Variants in BRSK1 observed in about 807,000 individuals in gnomAD.
BRSK1 encodes the protein BR serine/threonine kinase 1, also known as serine/threonine-protein kinase BRSK1.
BRSK1 carries 17 observed loss-of-function variants against 86.2 expected under a neutral mutation model. That is an observed-to-expected ratio of 0.20 (90% CI 0.14 to 0.30). BRSK1 has a LOEUF of 0.30. Among genes scored for constraint, BRSK1 ranks in the 10% least tolerant of loss-of-function variants. The pLI is 1.00. For missense variants in BRSK1, 719 were observed against 1,071.9 expected (o/e 0.67, Z 4.60); for synonymous variants, 464 against 440.1 (o/e 1.05, Z -0.68).
intron 7 of BRSK1, among the ~76,000 whole-genome samples, chr19:55,297,597 C>T (rs913555237): frequency 1.3e-5 from 2 of 152,148 alleles, no homozygotes; most frequent in African/African-American, 4.8e-5. Flanking sequence ...GGGAGAGCAG[C>T]CGAGGTGCTC....
intron 4 of BRSK1, among the ~76,000 whole-genome samples, chr19:55,293,719 A>G (rs1456219001): frequency 2.0e-5 from 3 of 151,628 alleles, no homozygotes; most frequent in African/African-American, 7.3e-5. Context: ...CTGAGGCAGG[A>G]GAATCACTTG....
At position 55,303,280 on chromosome 19, in the gene BRSK1, C is replaced by G; in HGVS notation, c.1029-31C>G. 1.3e-6 allele frequency: 2 copies of G among 1,567,264 alleles called. No homozygotes were observed. The highest frequency in any genetic ancestry group is 1.8e-6 in the Non-Finnish European group (2 of 1,137,888). ...ATGTTGGACCTCAGCCCTCTGCTAC[C>G]TCTTTCCACCTTTCCCACCCCCTGC... On this transcript the variant is annotated intron_variant, in intron 10 of 18. Transcript: ENST00000309383. The surrounding 1 kb of genome is among the most constrained non-coding windows in gnomAD (Gnocchi z 5.1).
chr19:55,312,023 C>T lies in BRSK1; in HGVS notation c.2292C>T (p.Pro764=). ...GCAGCTCTCCCCGCCGAGGCCCCCC[C>T]AAGGACAAGAAGCTCCTGGCCACCA... ...ELSSSPRRGP[P]KDKKLLATNG... is the part of the protein sequence containing the mutation. Residue 764 remains proline, a synonymous_variant, in exon 19 of 19, where the codon CCC becomes CCT. Coordinates refer to ENST00000309383, the MANE Select transcript of BRSK1 (RefSeq NM_032430.2). The T allele has an allele frequency of 6.6e-7, 1 of 1,509,498 alleles. No homozygotes were observed. The highest frequency in any genetic ancestry group is 1.3e-5 in the South Asian group (1 of 78,794). The allele number at this position is 1,509,498 out of a possible 1,614,324, so 93.5% of individuals were successfully genotyped here.
At chr19:55,286,276 G>A (rs1034283880) in intron 1 of BRSK1, among the ~76,000 whole-genome samples, 1 of 151,668 alleles carries the variant, frequency 6.6e-6, no homozygotes, top group Non-Finnish European at 1.5e-5. Context: ...GGGTCTGGAC[G>A]CCTGGGCCTG....
rs1213952291 is a variant in BRSK1 at position 55,284,422 on chromosome 19, C to T, written c.-21C>T. The T allele has an allele frequency of 1.7e-6, 2 of 1,184,588 alleles. No homozygotes were observed. Among genetic ancestry groups the T allele is most frequent in the Non-Finnish European group, 2.2e-6 (2 of 930,040 alleles). The allele number at this position is 1,184,588 out of a possible 1,614,324, so 73.4% of individuals were successfully genotyped here. A position where few individuals can be genotyped will look rare whatever the true frequency, so the allele number is the denominator to read the frequency against. On this transcript the variant is annotated 5_prime_UTR_variant, in exon 1 of 19. Coordinates refer to ENST00000309383, the MANE Select transcript of BRSK1 (RefSeq NM_032430.2). ...CAGGGGGGGCGGCCGGGGGACCGGT[C>T]GGGCCGGGACCAAGGGCACCATGTC...
Position 55,294,538 on chromosome 19 carries a change from G to C in BRSK1, c.678+141G>C. 1 of 1,112,454 alleles carries C rather than the reference G, an allele frequency of 9.0e-7. No homozygotes were observed. The highest frequency in any genetic ancestry group is 1.6e-5 in the South Asian group (1 of 63,940). 68.9% of individuals were successfully genotyped at this position (1,112,454 alleles called of 1,614,324 possible). ...TTATTTTGAGACAGAGTCTTGCCCCGTCGCCTAGGCTGGAGTGCAGTGGTG... is the reference window on the plus strand; with the variant it reads ...TTATTTTGAGACAGAGTCTTGCCCCCTCGCCTAGGCTGGAGTGCAGTGGTG... On this transcript the variant is annotated intron_variant, in intron 7 of 18. Transcript: ENST00000309383. The surrounding 1 kb of genome is among the most constrained non-coding windows in gnomAD (Gnocchi z 4.9).
rs914411978 is a variant in BRSK1 at position 55,299,537 on chromosome 19, C to T, written c.679-1975C>T. Among the ~76,000 whole-genome samples the T allele has an allele frequency of 2.0e-5, 3 of 152,044 alleles. No individual in the cohort carries two copies. The South Asian group carries it at 6.2e-4, about 32-fold the overall frequency. ...AGTAGCTGGGATTACAGGCGCCCGCCACTTTGCCCGGCTAAATTTTGTATT... is the reference window on the plus strand; with the variant it reads ...AGTAGCTGGGATTACAGGCGCCCGCTACTTTGCCCGGCTAAATTTTGTATT... On this transcript the variant is annotated intron_variant, in intron 7 of 18. Coordinates refer to ENST00000309383, the MANE Select transcript of BRSK1 (RefSeq NM_032430.2).
Position 55,304,433 on chromosome 19 carries a change from G to T in BRSK1, c.1348-118G>T. ...TGGGGCCTGGGAAGGAGGATACTTG[G>T]ACTACAAGTTGCAGCATGCACCGGG... On this transcript the variant is annotated intron_variant, in intron 13 of 18. Transcript: ENST00000309383. This position sits in a 1 kb window ranked among gnomAD's most constrained non-coding sequence, Gnocchi z 5.2. The T allele has an allele frequency of 1.6e-6, 2 of 1,226,796 alleles. No homozygotes were observed. The highest frequency in any genetic ancestry group is 1.1e-6 in the Non-Finnish European group (1 of 908,082). The allele number at this position is 1,226,796 out of a possible 1,614,324, so 76.0% of individuals were successfully genotyped here. A position where few individuals can be genotyped will look rare whatever the true frequency, so the allele number is the denominator to read the frequency against.
intron 7 of BRSK1, among the ~76,000 whole-genome samples, 175 bp from the exon 8 acceptor site, chr19:55,301,337 C>T (rs1467577604): frequency 6.6e-6 from 1 of 152,218 alleles, no homozygotes; most frequent in African/African-American, 2.4e-5. Context: ...CAAGCTGCTC[C>T]TTGCCAAGTG....
intron 7 of BRSK1, 121 bp from the exon 8 acceptor site, chr19:55,301,391 G>T: frequency 7.9e-7 from 1 of 1,273,418 alleles, no homozygotes; most frequent in Non-Finnish European, 1.1e-6. Flanking sequence ...GCAAATTGCT[G>T]AGCCTCTCTG....
chr19:55,305,378 C>G lies in BRSK1; in HGVS notation c.1766+9C>G, dbSNP rs772366299. On this transcript the variant is annotated intron_variant, in intron 15 of 18. Transcript: ENST00000309383. ...CCAGAGTCCTCCCCGGAGTGAGTCTCACAGGGAAGGAAAGAGTGGGGATGC... is the reference window on the plus strand; with the variant it reads ...CCAGAGTCCTCCCCGGAGTGAGTCTGACAGGGAAGGAAAGAGTGGGGATGC... 1.2e-6 allele frequency: 2 copies of G among 1,614,082 alleles called. No homozygotes were observed. Among genetic ancestry groups the G allele is most frequent in the African/African-American group, 2.7e-5 (2 of 74,932 alleles).
chr19:55,307,790 T>A (rs1311093443), intron 17 of BRSK1, among the ~76,000 whole-genome samples: 47 of 88,468 alleles, frequency 5.3e-4, no homozygotes, highest in African/African-American at 2.8e-3. Context: ...ACACACACAA[T>A]TTAAAAAAAA....
intron 4 of BRSK1, 94 bp from the exon 5 acceptor site, chr19:55,293,923 A>T (rs2088446152): frequency 9.3e-7 from 1 of 1,075,740 alleles, no homozygotes; most frequent in Admixed American, 2.6e-5. Flanking sequence ...AAATCCAAAA[A>T]GTATGCAGAA....
At position 55,287,585 on chromosome 19, in the gene BRSK1, A is replaced by G. The variant is rs552832176; in HGVS notation, c.317+286A>G. 7.2e-5 allele frequency among the ~76,000 whole-genome samples: 11 copies of G among 152,360 alleles called. No homozygotes were observed. The South Asian group carries it at 1.9e-3, about 26-fold the overall frequency. On this transcript the variant is annotated intron_variant, in intron 3 of 18. Transcript: ENST00000309383. The surrounding 1 kb of genome is among the most constrained non-coding windows in gnomAD (Gnocchi z 5.3). ...GGCACTGCATGGAATGCGCTCTGCT[A>G]GACAAGCAGGGTGCCCTCGACCAGA...
chr19:55,305,296 A>C (rs1381096127), intron 14 of BRSK1, 25 bp from the exon 15 acceptor site: 1 of 1,613,548 alleles, frequency 6.2e-7, no homozygotes, highest in African/African-American at 1.3e-5. Context: ...GGTGTTGACC[A>C]CGTTCTCTGC....
chr19:55,289,389 T>C lies in BRSK1; in HGVS notation c.318-91T>C, dbSNP rs1368404638. On this transcript the variant is annotated intron_variant, in intron 3 of 18. Coordinates refer to ENST00000309383, the MANE Select transcript of BRSK1 (RefSeq NM_032430.2). ...CCAAGGATCATGGGAATTGGAGTTC[T>C]CTGCCACCAGGAGCCAGTGGAAGTG... 75 of 1,457,336 alleles carry C rather than the reference T, an allele frequency of 5.1e-5. No individual in the cohort carries two copies. In the East Asian group the frequency reaches 1.7e-3, roughly 33 times the overall value. 90.3% of individuals were successfully genotyped at this position (1,457,336 alleles called of 1,614,324 possible).
rs2088596142 is a variant in BRSK1, at chr19:55,303,075, A to G, written c.1028+208A>G. On this transcript the variant is annotated intron_variant, in intron 10 of 18. Coordinates refer to ENST00000309383, the MANE Select transcript of BRSK1 (RefSeq NM_032430.2). The surrounding 1 kb of genome is among the most constrained non-coding windows in gnomAD (Gnocchi z 5.1). The stretch of plus-strand genomic sequence containing the variant: ...ATAGATGCTGCGACATAGTACTTAC[A>G]TATACATAGTACTTACAAATAGTTC... The G allele has an allele frequency of 1.5e-6, 1 of 655,010 alleles. No individual in the cohort carries two copies. The highest frequency in any genetic ancestry group is 2.6e-6 in the Non-Finnish European group (1 of 387,264). 40.6% of individuals were successfully genotyped at this position (655,010 alleles called of 1,614,324 possible). A position where few individuals can be genotyped will look rare whatever the true frequency, so the allele number is the denominator to read the frequency against.
chr19:55,304,966 G>A lies in BRSK1; in HGVS notation c.1717+46G>A. ...GAGTCCTAATGTGGGGAGAGGTTGG[G>A]GCTAAAAATCTGGTTCCAGGGATGT... is the stretch of plus-strand genomic sequence containing the variant. On this transcript the variant is annotated intron_variant, in intron 14 of 18. Coordinates refer to ENST00000309383, the MANE Select transcript of BRSK1 (RefSeq NM_032430.2). This position sits in a 1 kb window ranked among gnomAD's most constrained non-coding sequence, Gnocchi z 5.2. 6.3e-7 allele frequency: 1 copy of A among 1,593,218 alleles called. No individual in the cohort carries two copies. The highest frequency in any genetic ancestry group is 8.5e-7 in the Non-Finnish European group (1 of 1,176,880).
rs1446476088 is a variant in BRSK1, at chr19:55,310,050, C to CCCAGGGTCAGGTCTT, written c.2179+1323_2179+1337dup. Among the ~76,000 whole-genome samples, 3 of 152,202 alleles carry CCCAGGGTCAGGTCTT rather than the reference C, an allele frequency of 2.0e-5. No individual in the cohort carries two copies. The highest frequency in any genetic ancestry group is 4.4e-5 in the Non-Finnish European group (3 of 68,038). On this transcript the variant is annotated intron_variant, in intron 18 of 18. Coordinates refer to ENST00000309383, the MANE Select transcript of BRSK1 (RefSeq NM_032430.2). The surrounding 1 kb of genome is among the most constrained non-coding windows in gnomAD (Gnocchi z 5.0). The stretch of plus-strand genomic sequence containing the variant: ...GGCCTTGTCACCAGAAACTCTGAGT[C>CCCAGGGTCAGGTCTT]CCAGGGTCAGGTCTTTTGCTCTGGA...
Sources: allele counts gnomAD v4.1 joint callset (sites outside exome capture counted in the v4.1 genomes callset), GRCh38; gene constraint gnomAD v4.1.1; non-coding constraint Gnocchi (gnomAD v3.1); transcripts MANE v1.5; gene names NCBI Gene and HGNC (gene_info 2026-07-23, HGNC 2026-07-21).